Variants in RABGAP1 observed in about 807,000 individuals in gnomAD.
The protein encoded by RABGAP1 is rab GTPase-activating protein 1.
A neutral mutation model predicts 137.6 loss-of-function variants in RABGAP1; 23 were observed. The observed-to-expected ratio is 0.17, with a 90% CI of 0.12 to 0.24. The LOEUF is 0.24. RABGAP1 is among the 10% of genes least tolerant of loss of function. The pLI is 1.00. For synonymous variants in RABGAP1, 451 were observed against 450.7 expected (o/e 1.00, Z -0.01); for missense variants, 906 against 1,275.8 (o/e 0.71, Z 4.42).
chr9:123,048,194 C>T (rs763730257), intron 13 of RABGAP1, among the ~76,000 whole-genome samples: 8 of 152,080 alleles, frequency 5.3e-5, no homozygotes, highest in Admixed American at 1.3e-4. Flanking sequence ...CCATCTTGGC[C>T]TCCCAAAGTG....
intron 11 of RABGAP1, 32 bp from the exon 12 acceptor site, chr9:123,015,511 G>C: frequency 7.0e-7 from 1 of 1,434,290 alleles, no homozygotes; most frequent in South Asian, 1.2e-5. Flanking sequence ...AGCCATCTCT[G>C]TTACCGTTTT....
At chr9:122,981,948 T>C (rs1232534649) in intron 2 of RABGAP1, among the ~76,000 whole-genome samples, 1 of 151,100 alleles carries the variant, frequency 6.6e-6, no homozygotes, top group Non-Finnish European at 1.5e-5. Flanking sequence ...ACTTGGGAGG[T>C]TGAGGCAGAA....
At position 123,010,497 on chromosome 9, in the gene RABGAP1, A is replaced by G. The variant is rs2030709418; in HGVS notation, c.1518A>G (p.Ile506Met). 6.2e-7 allele frequency: 1 copy of G among 1,613,712 alleles called. No individual in the cohort carries two copies. The highest frequency in any genetic ancestry group is 1.1e-5 in the South Asian group (1 of 91,052). Residue 506 changes from isoleucine to methionine, a missense_variant, in exon 11 of 26, where the codon ATA becomes ATG. Transcript: ENST00000373647. ...AGTCTGGATCGCAAAGTTCAGTGAT[A>G]CCTTCTCCTCCAGAAGATGATGAAG... ...LPQSGSQSSV[I>M]PSPPEDDEEE...
At position 123,090,394 on chromosome 9, in the gene RABGAP1, A is replaced by G; in HGVS notation, c.2628+9A>G. 6.3e-7 allele frequency: 1 copy of G among 1,586,534 alleles called. No individual in the cohort carries two copies. Among genetic ancestry groups the G allele is most frequent in the Non-Finnish European group, 8.6e-7 (1 of 1,158,430 alleles). ...GGAAGGACCTGGATAACGTAAGTCC[A>G]ACGGGTCTGAAGGGAAAGATCTCAC... On this transcript the variant is annotated intron_variant, in intron 21 of 25. Transcript: ENST00000373647.
chr9:122,962,609 C>G (rs925914787), intron 2 of RABGAP1, among the ~76,000 whole-genome samples: 3 of 151,806 alleles, frequency 2.0e-5, no homozygotes, highest in Non-Finnish European at 2.9e-5. Context: ...AAAAAATCAT[C>G]AAAGAAATGT....
At chr9:123,083,484 C>T (rs2034775541) in intron 19 of RABGAP1, among the ~76,000 whole-genome samples, 1 of 152,164 alleles carries the variant, frequency 6.6e-6, no homozygotes, top group Non-Finnish European at 1.5e-5. Flanking sequence ...GTGGGCACTG[C>T]CTTCTTTTAA....
intron 19 of RABGAP1, among the ~76,000 whole-genome samples, chr9:123,080,390 C>G (rs955405968): frequency 1.3e-5 from 2 of 152,108 alleles, no homozygotes; most frequent in African/African-American, 4.8e-5. Flanking sequence ...CGGCTCATAG[C>G]CTGAAAAGAG....
In RABGAP1 at chr9:123,104,821, G is replaced by A. The variant is rs565753793; in HGVS notation, c.*1608G>A. On this transcript the variant is annotated 3_prime_UTR_variant, in exon 26 of 26. Coordinates refer to ENST00000373647, the MANE Select transcript of RABGAP1 (RefSeq NM_012197.4). Reference sequence around the variant, plus strand: ...AATTGTATTACTGTTTCTTTTGTTGGTTTTATTTTAACAGCATATTGATTA... The same window carrying A: ...AATTGTATTACTGTTTCTTTTGTTGATTTTATTTTAACAGCATATTGATTA... The A allele has an allele frequency of 2.6e-5, 4 of 152,270 alleles. No individual in the cohort carries two copies. The highest frequency in any genetic ancestry group is 9.6e-5 in the African/African-American group (4 of 41,546). The allele number at this position is 152,270 out of a possible 1,614,324, so 9.4% of individuals were successfully genotyped here.
chr9:123,035,160 GTTATA>G (rs2032556635), intron 13 of RABGAP1: 1 of 1,613,856 alleles, frequency 6.2e-7, no homozygotes, highest in African/African-American at 1.3e-5. Flanking sequence ...TCGTGATGAT[GTTATA>G]TGCCCCAGCA....
At chr9:123,094,503 C>G (rs934546230) in intron 21 of RABGAP1, among the ~76,000 whole-genome samples, 5 of 152,264 alleles carry the variant, frequency 3.3e-5, no homozygotes, top group Admixed American at 3.3e-4. Flanking sequence ...TCAATGTAAA[C>G]CAACCTTGCA....
At chr9:123,101,906 A>G in intron 25 of RABGAP1, 143 bp downstream of exon 25, 2 of 830,626 alleles carry the variant, frequency 2.4e-6, no homozygotes, top group Non-Finnish European at 3.6e-6. Flanking sequence ...GAAATATAGG[A>G]CTTGTTACTG....
At chr9:122,996,711 C>G (rs905350280) in intron 8 of RABGAP1, 106 bp downstream of exon 8, 2 of 945,536 alleles carry the variant, frequency 2.1e-6, no homozygotes, top group African/African-American at 3.3e-5. Context: ...AGAAGGTGAT[C>G]TTGTAAGCTA....
chr9:122,995,672 G>A lies in RABGAP1; in HGVS notation c.924-369G>A, dbSNP rs142294694. Among the ~76,000 whole-genome samples, 636 of 149,982 alleles carry A rather than the reference G, an allele frequency of 4.2e-3. 1 individual carries two copies. Among genetic ancestry groups the A allele is most frequent in the Admixed American group, 8.5e-3 (126 of 14,768 alleles). ...CAACCTCTGCCTCCCTGGTTCAAGCGATTCTCCTGCCTCAGCCTCCCGAAT... is the reference window on the plus strand; with the variant it reads ...CAACCTCTGCCTCCCTGGTTCAAGCAATTCTCCTGCCTCAGCCTCCCGAAT... On this transcript the variant is annotated intron_variant, in intron 6 of 25. Transcript: ENST00000373647.
chr9:123,046,795 G>T (rs1331187796), intron 13 of RABGAP1, among the ~76,000 whole-genome samples: 1 of 152,152 alleles, frequency 6.6e-6, no homozygotes, highest in Non-Finnish European at 1.5e-5. Flanking sequence ...ATGGCTAAGG[G>T]ATTTAATTCT....
chr9:122,998,806 A>C, intron 10 of RABGAP1, 40 bp downstream of exon 10: 3 of 1,369,330 alleles, frequency 2.2e-6, no homozygotes, highest in Non-Finnish European at 3.0e-6. Flanking sequence ...GGGAATAAGA[A>C]AGGAGAAATC....
Position 123,086,336 on chromosome 9 carries a change from A to G in RABGAP1, c.2425-3422A>G, listed in dbSNP as rs184050708. ...AGGAAAAGAGAGTCCTTTCTCAGTA[A>G]TTCAGCAAGCATTTCTGGGTACTCG... On this transcript the variant is annotated intron_variant, in intron 19 of 25. Transcript: ENST00000373647. 3.9e-5 allele frequency among the ~76,000 whole-genome samples: 6 copies of G among 152,358 alleles called. No homozygotes were observed. The East Asian group carries it at 1.2e-3, about 29-fold the overall frequency.
chr9:122,980,275 C>T (rs557770743), intron 2 of RABGAP1, among the ~76,000 whole-genome samples: 1 of 152,294 alleles, frequency 6.6e-6, no homozygotes, highest in South Asian at 2.1e-4. Context: ...CTTTTATCCA[C>T]TCATTCATTT....
intron 2 of RABGAP1, among the ~76,000 whole-genome samples, chr9:122,961,823 A>G (rs1190039964): frequency 6.6e-6 from 1 of 152,198 alleles, no homozygotes; most frequent in Admixed American, 6.5e-5. Context: ...AGATGTGGAA[A>G]TGTAATATGT....
At chr9:122,968,059 ATAG>A (rs1381692253) in intron 2 of RABGAP1, among the ~76,000 whole-genome samples, 2 of 152,052 alleles carry the variant, frequency 1.3e-5, no homozygotes, top group African/African-American at 2.4e-5. Context: ...TTGTGGGTAC[ATAG>A]TAGGTGTATA....
Sources: gnomAD v4.1 joint callset for allele counts (sites outside exome capture counted in the v4.1 genomes callset) on GRCh38, gnomAD v4.1.1 for gene constraint, MANE v1.5 for transcripts, NCBI Gene and HGNC (gene_info 2026-07-23, HGNC 2026-07-21) for gene names.